Variants in POMC observed in about 807,000 individuals in gnomAD.
POMC encodes proopiomelanocortin.
POMC carries 19 observed loss-of-function variants against 18.5 expected under a neutral mutation model. That is an observed-to-expected ratio of 1.03 (90% CI 0.72 to 1.51). The LOEUF (loss-of-function observed/expected upper bound fraction) is 1.51, where lower values mean the gene tolerates loss of function less well. Among genes scored for constraint, POMC ranks in the 40% most tolerant of loss-of-function variants. The probability of loss-of-function intolerance (pLI) is 0.00; values close to 1 mark genes in which losing one functional copy is unlikely to be tolerated. For synonymous variants in POMC, 179 were observed against 161.9 expected (o/e 1.11, Z -0.80); for missense variants, 451 against 379.0 (o/e 1.19, Z -1.58).
chr2:25,160,934 G>T lies in POMC; in HGVS notation c.*147C>A. On this transcript the variant is annotated 3_prime_UTR_variant, in exon 3 of 3. Coordinates refer to ENST00000395826, the MANE Select transcript of POMC (RefSeq NM_000939.4). ...CAGAGGTGGATGTGAAATTTGAAAG[G>T]TTTTATTTCCTAACTACAGGCAGCT... The T allele has an allele frequency of 7.6e-7, 1 of 1,321,408 alleles. No individual in the cohort carries two copies. Among genetic ancestry groups the T allele is most frequent in the Non-Finnish European group, 1.0e-6 (1 of 982,380 alleles). The allele number at this position is 1,321,408 out of a possible 1,614,324, so 81.9% of individuals were successfully genotyped here.
rs773178150 is a variant in POMC at position 25,164,761 on chromosome 2, C to A, written c.12G>T (p.Ser4=). The A allele has an allele frequency of 6.8e-6, 11 of 1,613,788 alleles. No individual in the cohort carries two copies. The African/African-American group carries it at 9.3e-5, about 14-fold the overall frequency. Residue 4 remains serine (S), a synonymous_variant, in exon 2 of 3, where the codon TCG becomes TCT. Transcript: ENST00000395826. Reference sequence around the variant, plus strand: ...ACAGGGCCCCCGAGCGGCTGCAGCACGATCTCGGCATCTTCCAGGCAGGCT... The same window carrying A: ...ACAGGGCCCCCGAGCGGCTGCAGCAAGATCTCGGCATCTTCCAGGCAGGCT... The part of the protein sequence containing the change: MPR[S]CCSRSGALLL...
In POMC at chr2:25,161,594, G is replaced by A. The variant is rs769751251; in HGVS notation, c.291C>T (p.Ser97=). The change falls in exon 3 of 3, where the codon AGC becomes AGT. Residue 97 remains serine, a synonymous_variant. Transcript: ENST00000395826. This position sits in a 1 kb window ranked among gnomAD's most constrained non-coding sequence, Gnocchi z 5.7. ...FGRRNSSSSG[S]SGAGQKREDV... Reference sequence around the variant, plus strand: ...CCTCGCGCTTCTGCCCTGCGCCGCTGCTGCCGCTGCTGCTGCTGTTGCGGC... The same window carrying A: ...CCTCGCGCTTCTGCCCTGCGCCGCTACTGCCGCTGCTGCTGCTGTTGCGGC... The A allele has an allele frequency of 3.2e-6, 5 of 1,556,388 alleles. No homozygotes were observed. In the South Asian group the frequency reaches 3.5e-5, roughly 11 times the overall value.
Position 25,161,598 on chromosome 2 carries a change from C to T in POMC, c.287G>A (p.Gly96Asp). The change falls in exon 3 of 3, where the codon GGC becomes GAC. Residue 96 changes from glycine to aspartate, a missense_variant. Physicochemically the swap from Gly to Asp is moderately conservative, Grantham distance 94 (BLOSUM62 -1). Transcript: ENST00000395826. This position sits in a 1 kb window ranked among gnomAD's most constrained non-coding sequence, Gnocchi z 5.7. ...RFGRRNSSSSGSSGAGQKRED... is the reference protein window; with the variant it reads ...RFGRRNSSSSDSSGAGQKRED... ...GCGCTTCTGCCCTGCGCCGCTGCTG[C>T]CGCTGCTGCTGCTGTTGCGGCGGCC... 1 of 1,557,156 alleles carries T rather than the reference C, an allele frequency of 6.4e-7. No individual in the cohort carries two copies. The highest frequency in any genetic ancestry group is 8.7e-7 in the Non-Finnish European group (1 of 1,150,578).
intron 2 of POMC, among the ~76,000 whole-genome samples, chr2:25,164,084 G>A (rs1372633161): frequency 6.6e-6 from 1 of 151,434 alleles, no homozygotes; most frequent in African/African-American, 2.4e-5. Flanking sequence ...TGGAAAGACT[G>A]TAGAGGAACA....
Position 25,161,968 on chromosome 2 carries a change from T to C in POMC, c.133-216A>G, listed in dbSNP as rs980182162. ...GGGCATCTAAGATCTTGCCACTGCC[T>C]CTTTTGTCCCATCCCCTTCATGCTT... is the stretch of plus-strand genomic sequence containing the variant. On this transcript the variant is annotated intron_variant, in intron 2 of 2. Transcript: ENST00000395826. This position sits in a 1 kb window ranked among gnomAD's most constrained non-coding sequence, Gnocchi z 5.7. 7.2e-5 allele frequency among the ~76,000 whole-genome samples: 11 copies of C among 152,190 alleles called. No individual in the cohort carries two copies. The East Asian group carries it at 2.1e-3, about 29-fold the overall frequency.
At chr2:25,166,671 T>C (rs540450802) in intron 1 of POMC, among the ~76,000 whole-genome samples, 1 of 152,304 alleles carries the variant, frequency 6.6e-6, no homozygotes, top group Admixed American at 6.5e-5. Context: ...TTCCCCTCCT[T>C]ATGCCCTATG....
At position 25,161,351 on chromosome 2, in the gene POMC, C is replaced by T. The variant is rs369227703; in HGVS notation, c.534G>A (p.Arg178=). The T allele has an allele frequency of 1.9e-5, 31 of 1,606,388 alleles. No individual in the cohort carries two copies. Among genetic ancestry groups the T allele is most frequent in the Non-Finnish European group, 2.5e-5 (29 of 1,176,836 alleles). The change falls in exon 3 of 3, where the codon AGG becomes AGA. Residue 178 remains arginine, a synonymous_variant. Transcript: ENST00000395826. The surrounding 1 kb of genome is among the most constrained non-coding windows in gnomAD (Gnocchi z 5.7). ...CCCGGAGTCGCTGGCCAGTCAGCTC[C>T]CTCTTGAACTCCAGGGGGAAGGCCT... ...SAEAFPLEFK[R]ELTGQRLREG...
chr2:25,161,713 T>G lies in POMC; in HGVS notation c.172A>C (p.Thr58Pro). ...RACKPDLSAE[T>P]PMFPGNGDEQ... ...TCGCCATTTCCCGGGAACATGGGAG[T>G]CTCGGCCGAGAGGTCGGGCTTGCAG... Residue 58 changes from threonine to proline, a missense_variant, in exon 3 of 3, where the codon ACT becomes CCT. Coordinates refer to ENST00000395826, the MANE Select transcript of POMC (RefSeq NM_000939.4). This position sits in a 1 kb window ranked among gnomAD's most constrained non-coding sequence, Gnocchi z 5.7. The G allele has an allele frequency of 6.3e-7, 1 of 1,591,438 alleles. No homozygotes were observed.
At position 25,161,237 on chromosome 2, in the gene POMC, C is replaced by T. The variant is rs1218350116; in HGVS notation, c.648G>A (p.Lys216=). 6.2e-7 allele frequency: 1 copy of T among 1,612,782 alleles called. No homozygotes were observed. The highest frequency in any genetic ancestry group is 1.7e-5 in the Admixed American group (1 of 59,998). The change falls in exon 3 of 3, where the codon AAG becomes AAA. Residue 216 remains lysine (K), a synonymous_variant. Transcript: ENST00000395826. The surrounding 1 kb of genome is among the most constrained non-coding windows in gnomAD (Gnocchi z 5.7). ...EHSLLVAAEK[K]DEGPYRMEHF... The stretch of plus-strand genomic sequence containing the variant: ...GCTCCATCCTGTAGGGGCCCTCGTC[C>T]TTCTTCTCGGCCGCCACCAGCAGGC...
chr2:25,161,518 G>T lies in POMC; in HGVS notation c.367C>A (p.Pro123Thr). 6.3e-7 allele frequency: 1 copy of T among 1,591,956 alleles called. No individual in the cohort carries two copies. The highest frequency in any genetic ancestry group is 8.5e-7 in the Non-Finnish European group (1 of 1,169,826). The change falls in exon 3 of 3, where the codon CCC (proline) becomes ACC (threonine). Residue 123 changes from proline (P) to threonine (T), a missense_variant. Pro to Thr is a conservative substitution (Grantham distance 38, BLOSUM62 -1). Transcript: ENST00000395826. The surrounding 1 kb of genome is among the most constrained non-coding windows in gnomAD (Gnocchi z 5.7). Reference sequence around the variant, plus strand: ...CCCGGCTTGGCACCATCGCTGCGGGGCTCGGGGCCGCCCTCAGGCAGCGGG... The same window carrying T: ...CCCGGCTTGGCACCATCGCTGCGGGTCTCGGGGCCGCCCTCAGGCAGCGGG... ...CGPLPEGGPE[P>T]RSDGAKPGPR...
At chr2:25,163,795 T>C (rs1421644202) in intron 2 of POMC, among the ~76,000 whole-genome samples, 1 of 152,206 alleles carries the variant, frequency 6.6e-6, no homozygotes, top group Non-Finnish European at 1.5e-5. Context: ...GGCTAACTTT[T>C]TTATTTTTTG....
rs1165289801 is a variant in POMC at position 25,162,451 on chromosome 2, C to T, written c.133-699G>A. Among the ~76,000 whole-genome samples the T allele has an allele frequency of 9.2e-5, 14 of 151,722 alleles. No individual in the cohort carries two copies. In the East Asian group the frequency reaches 1.2e-3, roughly 13 times the overall value. The stretch of plus-strand genomic sequence containing the variant: ...CAGCCAGGGCAACAGAGCAAGACTC[C>T]GTCTCAAAAAAATAAATAAATAAAT... On this transcript the variant is annotated intron_variant, in intron 2 of 2. Coordinates refer to ENST00000395826, the MANE Select transcript of POMC (RefSeq NM_000939.4).
intron 2 of POMC, among the ~76,000 whole-genome samples, chr2:25,162,976 T>C (rs1157409169): frequency 1.3e-5 from 2 of 152,222 alleles, no homozygotes; most frequent in African/African-American, 2.4e-5. Flanking sequence ...GGAACCTGTG[T>C]CTCTGCTCCT....
rs748599764 is a variant in POMC at position 25,161,737 on chromosome 2, A to G, written c.148T>C (p.Cys50Arg). The change falls in exon 3 of 3, where the codon TGC becomes CGC. Residue 50 changes from cysteine to arginine, a missense_variant. Physicochemically the swap from Cys to Arg is radical, Grantham distance 180. Transcript: ENST00000395826. This position sits in a 1 kb window ranked among gnomAD's most constrained non-coding sequence, Gnocchi z 5.7. ...GTCTCGGCCGAGAGGTCGGGCTTGC[A>G]GGCCCGGATGCACTCCTGGGGGAAG... ...ESNLLECIRA[C>R]KPDLSAETPM... is the part of the protein sequence containing the mutation. The G allele has an allele frequency of 1.1e-5, 18 of 1,594,158 alleles. No individual in the cohort carries two copies. The highest frequency in any genetic ancestry group is 5.7e-5 in the South Asian group (5 of 87,804).
Position 25,161,648 on chromosome 2 carries a change from C to T in POMC, c.237G>A (p.Met79Ile). 1 of 1,555,374 alleles carries T rather than the reference C, an allele frequency of 6.4e-7. No homozygotes were observed. The stretch of plus-strand genomic sequence containing the variant: ...CGAATCGGTCCCAGCGGAAGTGGCC[C>T]ATGACGTACTTCCGGGGGTTCTCGG... ...PLTENPRKYV[M>I]GHFRWDRFGR... The change falls in exon 3 of 3, where the codon ATG (methionine) becomes ATA (isoleucine). Residue 79 changes from methionine to isoleucine, a missense_variant. Coordinates refer to ENST00000395826, the MANE Select transcript of POMC (RefSeq NM_000939.4). This position sits in a 1 kb window ranked among gnomAD's most constrained non-coding sequence, Gnocchi z 5.7.
chr2:25,164,088 AG>A (rs1671475015), intron 2 of POMC, among the ~76,000 whole-genome samples: 2 of 151,834 alleles, frequency 1.3e-5, no homozygotes, highest in Admixed American at 1.3e-4. Context: ...AAGACTGTAG[AG>A]GAACACAGCA....
chr2:25,163,286 GTCCCACACC>G (rs1671453262), intron 2 of POMC, among the ~76,000 whole-genome samples: 1 of 152,180 alleles, frequency 6.6e-6, no homozygotes, highest in Non-Finnish European at 1.5e-5. Flanking sequence ...CCTGGTCAAG[GTCCCACACC>G]TCAAAACTGG....
At position 25,161,045 on chromosome 2, in the gene POMC, C is replaced by T. The variant is rs749692746; in HGVS notation, c.*36G>A. The T allele has an allele frequency of 1.9e-6, 3 of 1,613,590 alleles. No individual in the cohort carries two copies. In the East Asian group the frequency reaches 6.7e-5, roughly 36 times the overall value. On this transcript the variant is annotated 3_prime_UTR_variant, in exon 3 of 3. Transcript: ENST00000395826. This position sits in a 1 kb window ranked among gnomAD's most constrained non-coding sequence, Gnocchi z 5.7. ...GAGCAAGGGGCTTTGGGGTCGACCTCCTGGGGGAGGGTAGCCCTGGGGCCC... is the reference window on the plus strand; with the variant it reads ...GAGCAAGGGGCTTTGGGGTCGACCTTCTGGGGGAGGGTAGCCCTGGGGCCC...
At chr2:25,166,692 T>C (rs903678625) in intron 1 of POMC, among the ~76,000 whole-genome samples, 2 of 152,220 alleles carry the variant, frequency 1.3e-5, no homozygotes, top group African/African-American at 4.8e-5. Context: ...TGCTGTGTTG[T>C]ACAATGTGGT....
Sources: gnomAD v4.1 joint callset for allele counts (sites outside exome capture counted in the v4.1 genomes callset) on GRCh38, gnomAD v4.1.1 for gene constraint, Gnocchi (gnomAD v3.1) non-coding constraint, MANE v1.5 for transcripts, NCBI Gene and HGNC (gene_info 2026-07-23, HGNC 2026-07-21) for gene names.